The following SHISA9 variants were observed in gnomAD, a reference collection of about 807,000 sequenced individuals.
SHISA9 encodes the protein shisa family member 9.
SHISA9 carries 13 observed loss-of-function variants against 38.0 expected under a neutral mutation model. The observed-to-expected ratio is 0.34, with a 90% confidence interval of 0.22 to 0.54. The LOEUF (loss-of-function observed/expected upper bound fraction) is 0.54, where lower values mean the gene tolerates loss of function less well. SHISA9 is among the 20% of genes least tolerant of loss of function. SHISA9 has a pLI of 0.91. For synonymous variants in SHISA9, 275 were observed against 242.0 expected, an observed-to-expected ratio of 1.14 and a Z score of -1.27; for missense variants, 538 against 575.8, an observed-to-expected ratio of 0.93 and a Z score of 0.67.
At chr16:13,359,418 G>A in the SHISA9 span, among the ~76,000 whole-genome samples, 1 of 152,216 alleles carries the variant, frequency 6.6e-6, no homozygotes, top group Non-Finnish European at 1.5e-5. Flanking sequence ...GGGAGGCAGA[G>A]GTTGCAGAGA....
At chr16:13,256,274 G>A in the SHISA9 span, among the ~76,000 whole-genome samples, 2 of 127,272 alleles carry the variant, frequency 1.6e-5, no homozygotes, top group Non-Finnish European at 3.4e-5. Flanking sequence ...TATTGTATAT[G>A]TGTATGTATT....
intron 2 of SHISA9, among the ~76,000 whole-genome samples, chr16:13,077,581 C>T (rs2073597979): frequency 1.3e-5 from 2 of 152,114 alleles, no homozygotes; most frequent in Admixed American, 1.3e-4. Context: ...GATGGGGAAA[C>T]ACCCAAAAGC....
chr16:13,218,080 G>A (rs1019007906), intron 4 of SHISA9, among the ~76,000 whole-genome samples: 5 of 152,056 alleles, frequency 3.3e-5, no homozygotes, highest in African/African-American at 1.2e-4. Context: ...AAAAAAGAAG[G>A]AAGGAAAGAC....
chr16:13,045,605 A>AGGGAGG (rs1318719878), intron 2 of SHISA9, among the ~76,000 whole-genome samples: 1 of 21,154 alleles, frequency 4.7e-5, no homozygotes, highest in Non-Finnish European at 1.6e-4. Context: ...GATGAGGGAG[A>AGGGAGG]GGGAGAGGGA....
the SHISA9 span, among the ~76,000 whole-genome samples, chr16:13,391,911 C>A: frequency 6.6e-6 from 1 of 152,206 alleles, no homozygotes; most frequent in African/African-American, 2.4e-5. Flanking sequence ...CAGATTTAAT[C>A]AAATGATATT....
chr16:12,902,849 CGT>C (rs3974950), intron 1 of SHISA9: 9,140 of 481,320 alleles, frequency 0.019, no homozygotes, highest in Middle Eastern at 0.035. Flanking sequence ...TGTGTGTGAG[CGT>C]GTGTGTGTGT....
chr16:13,115,526 G>T (rs745330770), intron 2 of SHISA9, among the ~76,000 whole-genome samples: 5 of 152,194 alleles, frequency 3.3e-5, no homozygotes, highest in African/African-American at 9.7e-5. Flanking sequence ...TGCCCTGGGC[G>T]GGCCAGGTGT....
intron 2 of SHISA9, among the ~76,000 whole-genome samples, chr16:12,969,062 C>G (rs1247653554): frequency 1.3e-5 from 2 of 151,354 alleles, no homozygotes; most frequent in African/African-American, 4.9e-5. Flanking sequence ...AAGGCTGAGG[C>G]TGGAGAATCG....
intron 2 of SHISA9, among the ~76,000 whole-genome samples, chr16:13,113,101 T>C (rs1301360807): frequency 6.7e-6 from 1 of 149,694 alleles, no homozygotes; most frequent in Non-Finnish European, 1.5e-5. Context: ...TCCCAGCTAC[T>C]CGCAGGGCTG....
the SHISA9 span, among the ~76,000 whole-genome samples, chr16:13,287,063 C>G: frequency 6.6e-6 from 1 of 152,170 alleles, no homozygotes; most frequent in Non-Finnish European, 1.5e-5. Context: ...AGACACCAAA[C>G]ACTACTTCTA....
At chr16:13,518,351 T>G in the SHISA9 span, among the ~76,000 whole-genome samples, 1 of 151,998 alleles carries the variant, frequency 6.6e-6, no homozygotes, top group Non-Finnish European at 1.5e-5. Context: ...TTTACAACAG[T>G]GTGCCGCCGA....
At chr16:13,506,305 A>G in the SHISA9 span, among the ~76,000 whole-genome samples, 1 of 152,184 alleles carries the variant, frequency 6.6e-6, no homozygotes, top group Non-Finnish European at 1.5e-5. Context: ...TCAGAGAACA[A>G]CAAAAAGACA....
the SHISA9 span, among the ~76,000 whole-genome samples, chr16:13,440,875 T>C: frequency 1.3e-5 from 2 of 150,200 alleles, no homozygotes; most frequent in Non-Finnish European, 2.9e-5. Context: ...TGAGCTGAGA[T>C]CGTGCCACTG....
At chr16:13,079,278 T>C (rs1430699530) in intron 2 of SHISA9, among the ~76,000 whole-genome samples, 1 of 152,232 alleles carries the variant, frequency 6.6e-6, no homozygotes, top group Admixed American at 6.5e-5. Context: ...GCTTCCATTT[T>C]CTTATCTGGG....
rs76893011 is a variant in SHISA9 at position 13,131,933 on chromosome 16, T to C, written c.692-71461T>C. Among the ~76,000 whole-genome samples the C allele has an allele frequency of 9.5e-4, 145 of 152,342 alleles. 2 individuals carry two copies. In the East Asian group the frequency reaches 0.026, roughly 27 times the overall value. Reference sequence around the variant, plus strand: ...GATCCCGGACTCATGGGTTTGCCATTTGTTCTCCCTAATTACAAACATTAG... The same window carrying C: ...GATCCCGGACTCATGGGTTTGCCATCTGTTCTCCCTAATTACAAACATTAG... On this transcript the variant is annotated intron_variant, in intron 2 of 4. Transcript: ENST00000558583.
chr16:13,276,142 A>C, the SHISA9 span, among the ~76,000 whole-genome samples: 2 of 151,982 alleles, frequency 1.3e-5, no homozygotes, highest in Non-Finnish European at 2.9e-5. Flanking sequence ...CTTATAGCTT[A>C]ACTCCCACAT....
At chr16:13,319,512 C>G in the SHISA9 span, among the ~76,000 whole-genome samples, 3 of 152,092 alleles carry the variant, frequency 2.0e-5, no homozygotes, top group Non-Finnish European at 4.4e-5. Flanking sequence ...GCTCTTTCCC[C>G]CTGCTTGACA....
At chr16:13,241,380 C>G (rs2051434131), downstream of SHISA9, among the ~76,000 whole-genome samples, 1 of 152,256 alleles carries the variant, frequency 6.6e-6, no homozygotes, top group Admixed American at 6.5e-5. Context: ...GTGGCGCATG[C>G]CTGTAATCCC....
At chr16:12,948,412 TC>T (rs151175903) in intron 2 of SHISA9, among the ~76,000 whole-genome samples, 2,106 of 152,282 alleles carry the variant, frequency 0.014, 54 homozygotes, top group African/African-American at 0.047. Context: ...AACCATTAAT[TC>T]TAATTGCCCC....
Sources: allele counts gnomAD v4.1 joint callset (sites outside exome capture counted in the v4.1 genomes callset), GRCh38; gene constraint gnomAD v4.1.1; transcripts MANE v1.5; gene names NCBI Gene and HGNC (gene_info 2026-07-23, HGNC 2026-07-21).